The following PGM1 variants were observed in gnomAD, a reference collection of about 807,000 sequenced individuals.
The protein encoded by PGM1 is phosphoglucomutase-1.
A neutral mutation model predicts 55.6 loss-of-function variants in PGM1; 52 were observed. The ratio of observed to expected loss-of-function variants is 0.94; its 90% confidence interval spans 0.75 to 1.18. PGM1 has a LOEUF of 1.18. PGM1 is among the 50% of genes most tolerant of loss of function. The pLI, the probability that PGM1 is intolerant of heterozygous loss-of-function variation, is 0.00. For synonymous variants in PGM1, 287 were observed against 271.7 expected (o/e 1.06, Z -0.55); for missense variants, 724 against 729.3 (o/e 0.99, Z 0.08).
chr1:63,602,509 T>C (rs1648272255), intron 1 of PGM1, among the ~76,000 whole-genome samples: 1 of 152,202 alleles, frequency 6.6e-6, no homozygotes, highest in Non-Finnish European at 1.5e-5. Flanking sequence ...CAATAAGTAT[T>C]TTCTAACCAG....
At chr1:63,654,961 A>ATC (rs1487962703) in intron 10 of PGM1, among the ~76,000 whole-genome samples, 38 of 147,830 alleles carry the variant, frequency 2.6e-4, no homozygotes, top group African/African-American at 9.0e-4. Flanking sequence ...AGGATAATGA[A>ATC]TCTCTCTTTT....
At chr1:63,612,451 G>A (rs886599472) in intron 1 of PGM1, among the ~76,000 whole-genome samples, 7 of 152,154 alleles carry the variant, frequency 4.6e-5, no homozygotes, top group Admixed American at 3.3e-4. Flanking sequence ...ATTTATAGAC[G>A]CAAAAAAAAT....
chr1:63,596,330 C>A (rs1648071214), intron 1 of PGM1, among the ~76,000 whole-genome samples: 1 of 143,774 alleles, frequency 7.0e-6, no homozygotes, highest in South Asian at 2.3e-4. Flanking sequence ...GCAATCAGCT[C>A]ACTGCAACCT....
At chr1:63,613,970 T>C (rs2269267) in intron 1 of PGM1, among the ~76,000 whole-genome samples, 2 of 152,226 alleles carry the variant, frequency 1.3e-5, no homozygotes, top group Non-Finnish European at 2.9e-5. Context: ...TGTTGAAGCC[T>C]GCCTTTCCAA....
At chr1:63,650,568 T>G (rs1649781541) in intron 8 of PGM1, among the ~76,000 whole-genome samples, 1 of 152,224 alleles carries the variant, frequency 6.6e-6, no homozygotes, top group African/African-American at 2.4e-5. Context: ...TCAGCATTTC[T>G]CATGTCTCAG....
rs1239962650 is a variant in PGM1, at chr1:63,631,684, A to G, written c.584A>G (p.Tyr195Cys). The change falls in exon 4 of 11, where the codon TAT (tyrosine) becomes TGT (cysteine). Residue 195 changes from tyrosine (Y) to cysteine (C), a missense_variant. Physicochemically the swap from Tyr to Cys is radical, Grantham distance 194. Coordinates refer to ENST00000371084, the MANE Select transcript of PGM1 (RefSeq NM_002633.3). ...GAAATTGTGGATTCGGTAGAAGCTTATGCTACAATGCTGAGAAGCATCTTT... is the reference window on the plus strand; with the variant it reads ...GAAATTGTGGATTCGGTAGAAGCTTGTGCTACAATGCTGAGAAGCATCTTT... ...TVEIVDSVEA[Y>C]ATMLRSIFDF... 1.2e-6 allele frequency: 2 copies of G among 1,613,236 alleles called. No homozygotes were observed. The highest frequency in any genetic ancestry group is 1.6e-4 in the Middle Eastern group (1 of 6,080).
At chr1:63,633,866 CTGTGTGTGTGTG>C (rs58094821) in intron 4 of PGM1, among the ~76,000 whole-genome samples, 3,213 of 73,328 alleles carry the variant, frequency 0.044, 241 homozygotes, top group East Asian at 0.24. Context: ...GTCTGTGTCT[CTGTGTGTGTGTG>C]TGTGTGTGTG....
At chr1:63,629,623 A>G in intron 2 of PGM1, 36 bp downstream of exon 2, 5 of 1,595,352 alleles carry the variant, frequency 3.1e-6, no homozygotes, top group Non-Finnish European at 4.3e-6. Context: ...AGGTAAGTTT[A>G]CATTCAGTAG....
intron 6 of PGM1, among the ~76,000 whole-genome samples, chr1:63,636,796 G>A (rs1257995122): frequency 6.6e-6 from 1 of 152,182 alleles, no homozygotes; most frequent in African/African-American, 2.4e-5. Flanking sequence ...ATAGTTGAGT[G>A]TTAATGAATA....
At chr1:63,629,316 T>C (rs1649124619) in intron 1 of PGM1, 109 bp from the exon 2 acceptor site, 2 of 897,876 alleles carry the variant, frequency 2.2e-6, no homozygotes, top group African/African-American at 3.3e-5. Flanking sequence ...GTCCAACAGA[T>C]TATTACTATT....
At chr1:63,658,196 C>T (rs1049865958) in intron 10 of PGM1, among the ~76,000 whole-genome samples, 7 of 152,090 alleles carry the variant, frequency 4.6e-5, no homozygotes, top group Admixed American at 2.6e-4. Flanking sequence ...TATAATGGAT[C>T]GGTGGAGATT....
At chr1:63,613,179 G>A (rs532640040) in intron 1 of PGM1, among the ~76,000 whole-genome samples, 1 of 151,784 alleles carries the variant, frequency 6.6e-6, no homozygotes, top group African/African-American at 2.4e-5. Flanking sequence ...TAGGGGGTTG[G>A]GGGGCAGGGT....
At chr1:63,599,047 G>A (rs556284094) in intron 1 of PGM1, among the ~76,000 whole-genome samples, 1 of 152,344 alleles carries the variant, frequency 6.6e-6, no homozygotes, top group Non-Finnish European at 1.5e-5. Context: ...AGAACACTGA[G>A]CAGGAAGGGG....
At chr1:63,639,260 AG>A (rs1649450656) in intron 7 of PGM1, among the ~76,000 whole-genome samples, 1 of 152,198 alleles carries the variant, frequency 6.6e-6, no homozygotes, top group African/African-American at 2.4e-5. Flanking sequence ...AGAGTAATCA[AG>A]GCTAAATGAA....
chr1:63,629,730 G>C, intron 2 of PGM1, 143 bp downstream of exon 2: 3 of 942,484 alleles, frequency 3.2e-6, no homozygotes, highest in Non-Finnish European at 3.3e-6. Flanking sequence ...CAGTGACAGT[G>C]AAATGCTTCT....
At chr1:63,627,802 A>G (rs538716629) in intron 1 of PGM1, among the ~76,000 whole-genome samples, 1 of 152,254 alleles carries the variant, frequency 6.6e-6, no homozygotes, top group African/African-American at 2.4e-5. Context: ...AGCCACCCCT[A>G]AACCCCTCCT....
intron 1 of PGM1, chr1:63,623,434 C>G: frequency 6.2e-7 from 1 of 1,604,848 alleles, no homozygotes; most frequent in African/African-American, 1.3e-5. Context: ...TGGACACCCT[C>G]ACTGAGCCAG....
chr1:63,651,112 T>C (rs1333663946), intron 8 of PGM1, among the ~76,000 whole-genome samples: 1 of 150,690 alleles, frequency 6.6e-6, no homozygotes, highest in African/African-American at 2.4e-5. Flanking sequence ...AAAGAGTCAG[T>C]GTTTGGCGTC....
intron 3 of PGM1, among the ~76,000 whole-genome samples, chr1:63,631,095 A>G (rs1439279972): frequency 2.6e-5 from 4 of 152,216 alleles, no homozygotes; most frequent in Non-Finnish European, 5.9e-5. Context: ...AACAAGAACA[A>G]CAATACTAAG....
Sources: gnomAD v4.1 joint callset for allele counts (sites outside exome capture counted in the v4.1 genomes callset) on GRCh38, gnomAD v4.1.1 for gene constraint, MANE v1.5 for transcripts, NCBI Gene and HGNC (gene_info 2026-07-23, HGNC 2026-07-21) for gene names.